The following MDGA2 variants were observed in gnomAD, a reference collection of about 807,000 sequenced individuals.
MDGA2 encodes the protein MAM domain containing glycosylphosphatidylinositol anchor 2, also known as MAM domain-containing glycosylphosphatidylinositol anchor protein 2.
MDGA2 carries 40 observed loss-of-function variants against 117.8 expected under a neutral mutation model. The ratio of observed to expected loss-of-function variants is 0.34; its 90% CI spans 0.26 to 0.44. The LOEUF (loss-of-function observed/expected upper bound fraction) is 0.44. Ranked by LOEUF, MDGA2 falls within the 20% of genes least tolerant of loss-of-function variation. The probability of loss-of-function intolerance (pLI) is 1.00; values close to 1 mark genes in which losing one functional copy is unlikely to be tolerated. For synonymous variants in MDGA2, 452 were observed against 439.0 expected (o/e 1.03, Z -0.37); for missense variants, 1,123 against 1,250.6 (o/e 0.90, Z 1.54).
intron 2 of MDGA2, among the ~76,000 whole-genome samples, chr14:47,225,372 TGCG>T (rs1257300470): frequency 6.6e-6 from 1 of 151,628 alleles, no homozygotes; most frequent in Non-Finnish European, 1.5e-5. Flanking sequence ...GTATGTTTAT[TGCG>T]GCACTATTCA....
chr14:47,167,812 A>G (rs1883946523), intron 3 of MDGA2, among the ~76,000 whole-genome samples: 1 of 152,232 alleles, frequency 6.6e-6, no homozygotes, highest in African/African-American at 2.4e-5. Flanking sequence ...TATTTCATTT[A>G]TAGTCTCAAT....
rs1030412716 is a variant in MDGA2 at position 47,377,677 on chromosome 14, C to G, written c.281-76127G>C. On this transcript the variant is annotated intron_variant, in intron 1 of 16. Transcript: ENST00000399232. ...GTGAGGCTGGGAGAGGGGCATCTGT[C>G]ATTGCTGAGGCTTGAGTAGGTAAAC... 3.3e-5 allele frequency among the ~76,000 whole-genome samples: 5 copies of G among 152,244 alleles called. No homozygotes were observed. In the East Asian group the frequency reaches 9.7e-4, roughly 30 times the overall value.
At chr14:46,871,578 CTAT>C (rs1417531422) in intron 14 of MDGA2, 1 of 152,646 alleles carries the variant, frequency 6.6e-6, no homozygotes, top group Non-Finnish European at 1.5e-5. Flanking sequence ...TAAATGTCAA[CTAT>C]TATTTTATTA....
At chr14:47,618,508 T>G (rs928341483) in intron 1 of MDGA2, among the ~76,000 whole-genome samples, 2 of 152,132 alleles carry the variant, frequency 1.3e-5, no homozygotes, top group Admixed American at 6.5e-5. Context: ...TCTCTAAAAC[T>G]CTCTACTTCA....
intron 11 of MDGA2, among the ~76,000 whole-genome samples, chr14:46,878,324 A>C (rs1882311907): frequency 6.6e-6 from 1 of 152,016 alleles, no homozygotes; most frequent in South Asian, 2.1e-4. Flanking sequence ...AAAATATTCC[A>C]ATCTGGATGA....
chr14:47,280,650 C>T lies in MDGA2; in HGVS notation c.420+20761G>A, dbSNP rs142842772. On this transcript the variant is annotated intron_variant, in intron 2 of 16. Coordinates refer to ENST00000399232, the MANE Select transcript of MDGA2 (RefSeq NM_001113498.3). ...TGTTCATCTGCATGCTACAGCCAATCCAATGCTACTTTTTCATGTTCATCA... is the reference window on the plus strand; with the variant it reads ...TGTTCATCTGCATGCTACAGCCAATTCAATGCTACTTTTTCATGTTCATCA... 9.3e-3 allele frequency among the ~76,000 whole-genome samples: 1,414 copies of T among 151,998 alleles called. 12 individuals carry two copies. The highest frequency in any genetic ancestry group is 0.033 in the Admixed American group (498 of 15,246).
chr14:46,937,616 G>A (rs1164454216), intron 9 of MDGA2, among the ~76,000 whole-genome samples: 5 of 151,992 alleles, frequency 3.3e-5, no homozygotes, highest in African/African-American at 9.7e-5. Flanking sequence ...ATAGACGAAT[G>A]GACTAGAATA....
At chr14:47,654,458 C>A (rs778562421) in intron 1 of MDGA2, among the ~76,000 whole-genome samples, 1 of 152,008 alleles carries the variant, frequency 6.6e-6, no homozygotes, top group African/African-American at 2.4e-5. Context: ...TAATAACTAA[C>A]GGTAAGTCAC....
At chr14:47,399,005 A>C (rs1185443851) in intron 1 of MDGA2, among the ~76,000 whole-genome samples, 1 of 152,056 alleles carries the variant, frequency 6.6e-6, no homozygotes, top group Non-Finnish European at 1.5e-5. Flanking sequence ...AACAAATCTT[A>C]CTCTTTCAAC....
At chr14:47,295,017 A>G (rs1889016033) in intron 2 of MDGA2, among the ~76,000 whole-genome samples, 1 of 152,206 alleles carries the variant, frequency 6.6e-6, no homozygotes, top group African/African-American at 2.4e-5. Context: ...TTTTATGCAA[A>G]AAGCAAATGC....
chr14:47,562,934 G>A (rs1302349015), intron 1 of MDGA2, among the ~76,000 whole-genome samples: 1 of 151,770 alleles, frequency 6.6e-6, no homozygotes, highest in Non-Finnish European at 1.5e-5. Context: ...GTATCTTATC[G>A]TTGTTCTCAT....
chr14:46,859,822 T>C (rs1881435257), intron 14 of MDGA2, among the ~76,000 whole-genome samples: 1 of 152,100 alleles, frequency 6.6e-6, no homozygotes, highest in South Asian at 2.1e-4. Flanking sequence ...CTTCACAATA[T>C]ACATATAAAC....
chr14:47,220,304 A>T (rs1425168343), intron 2 of MDGA2, among the ~76,000 whole-genome samples: 1 of 152,208 alleles, frequency 6.6e-6, no homozygotes, highest in Non-Finnish European at 1.5e-5. Flanking sequence ...TCAGGCTTCC[A>T]GGAAAAAGGG....
At chr14:47,640,939 GC>G (rs1167114159) in intron 1 of MDGA2, among the ~76,000 whole-genome samples, 10 of 151,846 alleles carry the variant, frequency 6.6e-5, no homozygotes, top group Non-Finnish European at 1.5e-4. Flanking sequence ...ACTATGACTT[GC>G]ACCAAGAAAG....
At chr14:47,360,983 T>G (rs1891107287) in intron 1 of MDGA2, among the ~76,000 whole-genome samples, 1 of 152,092 alleles carries the variant, frequency 6.6e-6, no homozygotes, top group South Asian at 2.1e-4. Context: ...TGTAGTTATG[T>G]GGGACTAATA....
rs538398401 is a variant in MDGA2, at chr14:47,077,905, A to C, written c.1196-16327T>G. ...TTCTCAGAAAAATGGTATAAGATAG[A>C]GTGATGAATAATATCTTTGAAAACT... On this transcript the variant is annotated intron_variant, in intron 6 of 16. Transcript: ENST00000399232. Among the ~76,000 whole-genome samples, 10 of 152,202 alleles carry C rather than the reference A, an allele frequency of 6.6e-5. No individual in the cohort carries two copies. In the South Asian group the frequency reaches 2.1e-3, roughly 32 times the overall value.
At chr14:46,881,179 A>G (rs913487761) in intron 11 of MDGA2, among the ~76,000 whole-genome samples, 2 of 152,146 alleles carry the variant, frequency 1.3e-5, no homozygotes, top group African/African-American at 2.4e-5. Context: ...AGATTATTCA[A>G]TGATAAAAAG....
intron 8 of MDGA2, among the ~76,000 whole-genome samples, chr14:47,030,503 A>G (rs1888624340): frequency 6.6e-6 from 1 of 152,062 alleles, no homozygotes; most frequent in African/African-American, 2.4e-5. Context: ...AACAAGAATG[A>G]AACTCCATCT....
intron 2 of MDGA2, among the ~76,000 whole-genome samples, chr14:47,258,660 A>G (rs1887699975): frequency 3.3e-5 from 5 of 152,122 alleles, no homozygotes; most frequent in Admixed American, 3.3e-4. Flanking sequence ...CTTGATTTAA[A>G]CAATATAAAT....
Sources: gnomAD v4.1 joint callset for allele counts (sites outside exome capture counted in the v4.1 genomes callset) on GRCh38, gnomAD v4.1.1 for gene constraint, MANE v1.5 for transcripts, NCBI Gene and HGNC (gene_info 2026-07-23, HGNC 2026-07-21) for gene names.